The following RPAP3 variants were observed in gnomAD, a reference collection of about 807,000 sequenced individuals.
RPAP3 encodes the protein RNA polymerase II-associated protein 3.
In RPAP3, 58 loss-of-function variants were observed where a neutral mutation model predicts 88.8. The ratio of observed to expected loss-of-function variants is 0.65; its 90% CI spans 0.53 to 0.81. The LOEUF (loss-of-function observed/expected upper bound fraction) is 0.81. Among genes scored for constraint, RPAP3 ranks in the 40% least tolerant of loss-of-function variants. RPAP3 has a pLI of 0.00. For synonymous variants in RPAP3, 255 were observed against 259.9 expected, an observed-to-expected ratio of 0.98 and a Z score of 0.18; for missense variants, 751 against 764.3, an observed-to-expected ratio of 0.98 and a Z score of 0.20.
At chr12:47,694,128 C>A (rs1439846088) in intron 5 of RPAP3, among the ~76,000 whole-genome samples, 7 of 152,202 alleles carry the variant, frequency 4.6e-5, no homozygotes, top group African/African-American at 1.7e-4. Flanking sequence ...CCAAGACATT[C>A]CTGAATAATA....
chr12:47,692,965 T>C (rs1163294175), intron 5 of RPAP3, among the ~76,000 whole-genome samples: 3 of 152,168 alleles, frequency 2.0e-5, no homozygotes, highest in Admixed American at 6.5e-5. Context: ...CTGCAACCTC[T>C]GCCTCCTGGG....
chr12:47,702,670 T>C lies in RPAP3; in HGVS notation c.153+18A>G. The C allele has an allele frequency of 2.0e-6, 3 of 1,523,186 alleles. No individual in the cohort carries two copies. Among genetic ancestry groups the C allele is most frequent in the Non-Finnish European group, 2.7e-6 (3 of 1,130,716 alleles). 94.4% of individuals were successfully genotyped at this position (1,523,186 alleles called of 1,614,324 possible). A position where few individuals can be genotyped will look rare whatever the true frequency, so the allele number is the denominator to read the frequency against. On this transcript the variant is annotated intron_variant, in intron 2 of 16. Transcript: ENST00000005386. Reference sequence around the variant, plus strand: ...AAAATTAGTTTTGGTGGATCTTAATTACGAATTCTTAATTTACCTCTTCAG... The same window carrying C: ...AAAATTAGTTTTGGTGGATCTTAATCACGAATTCTTAATTTACCTCTTCAG...
intron 12 of RPAP3, among the ~76,000 whole-genome samples, chr12:47,672,757 G>A (rs1042707123): frequency 2.6e-5 from 4 of 151,998 alleles, no homozygotes; most frequent in African/African-American, 9.7e-5. Flanking sequence ...TCATTTCCTA[G>A]AGGTGTTTTG....
intron 9 of RPAP3, among the ~76,000 whole-genome samples, chr12:47,682,518 C>T (rs535867223): frequency 3.9e-5 from 6 of 152,076 alleles, no homozygotes; most frequent in African/African-American, 1.2e-4. Context: ...CTTTCTTTAG[C>T]AATAAACGTC....
chr12:47,679,812 A>T, intron 10 of RPAP3, 38 bp from the exon 11 acceptor site: 2 of 1,384,858 alleles, frequency 1.4e-6, no homozygotes, highest in Non-Finnish European at 2.0e-6. Flanking sequence ...AACATAGTTA[A>T]AATGTGGAGT....
intron 10 of RPAP3, among the ~76,000 whole-genome samples, chr12:47,680,479 T>TA (rs1180668581): frequency 6.6e-5 from 10 of 151,394 alleles, no homozygotes; most frequent in Non-Finnish European, 1.0e-4. Context: ...TTAACCACAA[T>TA]AAAAAAAACA....
intron 10 of RPAP3, among the ~76,000 whole-genome samples, chr12:47,680,236 GA>G (rs1277104142): frequency 6.6e-6 from 1 of 152,214 alleles, no homozygotes; most frequent in African/African-American, 2.4e-5. Context: ...ACTTACATAG[GA>G]TATCTAGAAC....
Position 47,675,227 on chromosome 12 carries a change from T to C in RPAP3, c.1287+4266A>G, listed in dbSNP as rs527296972. 2.5e-4 allele frequency among the ~76,000 whole-genome samples: 38 copies of C among 152,282 alleles called. No individual in the cohort carries two copies. In the South Asian group the frequency reaches 5.8e-3, roughly 23 times the overall value. ...GATTGTGTCACCACCCGGCTTGCCT[T>C]ACAAGAGCTTCTGAAGGAAGCACTA... is the stretch of plus-strand genomic sequence containing the variant. On this transcript the variant is annotated intron_variant, in intron 12 of 16. Coordinates refer to ENST00000005386, the MANE Select transcript of RPAP3 (RefSeq NM_024604.3).
intron 13 of RPAP3, among the ~76,000 whole-genome samples, chr12:47,669,846 G>C (rs1051980165): frequency 3.3e-5 from 5 of 151,856 alleles, no homozygotes. Flanking sequence ...TCCTAGAAAT[G>C]AAAATTTTTA....
intron 9 of RPAP3, 86 bp downstream of exon 9, chr12:47,686,694 G>T: frequency 9.7e-7 from 1 of 1,028,874 alleles, no homozygotes; most frequent in South Asian, 2.4e-5. Flanking sequence ...CGCCATAATT[G>T]GCATGTTAGG....
At chr12:47,675,593 T>TCC (rs909360362) in intron 12 of RPAP3, among the ~76,000 whole-genome samples, 11 of 152,134 alleles carry the variant, frequency 7.2e-5, no homozygotes, top group African/African-American at 2.4e-4. Context: ...GGGGTTGCAA[T>TCC]CCCAGTCTCT....
chr12:47,701,724 T>C, intron 2 of RPAP3, 120 bp from the exon 3 acceptor site: 1 of 761,938 alleles, frequency 1.3e-6, no homozygotes, highest in Non-Finnish European at 1.8e-6. Flanking sequence ...TTTTAAAGTG[T>C]TTAAAAAGAC....
chr12:47,690,731 A>G (rs1939412759), intron 5 of RPAP3, 92 bp from the exon 6 acceptor site: 1 of 927,518 alleles, frequency 1.1e-6, no homozygotes, highest in Admixed American at 2.9e-5. Flanking sequence ...CCTTGAAAAG[A>G]GAATTTACTT....
chr12:47,663,980 A>G (rs1265099456), intron 16 of RPAP3, among the ~76,000 whole-genome samples: 3 of 152,250 alleles, frequency 2.0e-5, no homozygotes, highest in Non-Finnish European at 4.4e-5. Flanking sequence ...TTTATTTTAA[A>G]AGAAAACTTT....
intron 16 of RPAP3, 116 bp downstream of exon 16, chr12:47,666,864 A>G (rs1938884244): frequency 3.3e-6 from 1 of 305,570 alleles, no homozygotes; most frequent in Non-Finnish European, 6.0e-6. Flanking sequence ...AAATATAAAT[A>G]TTTAATTAAA....
intron 1 of RPAP3, 91 bp from the exon 2 acceptor site, chr12:47,702,937 T>TG: frequency 8.1e-6 from 8 of 989,962 alleles, no homozygotes; most frequent in Non-Finnish European, 1.2e-5. Context: ...TACCACTTCA[T>TG]AAGTGGCCAA....
chr12:47,688,992 A>C (rs967108067), intron 7 of RPAP3, 133 bp downstream of exon 7: 5 of 546,948 alleles, frequency 9.1e-6, no homozygotes, highest in African/African-American at 2.0e-5. Flanking sequence ...TCATTTAGTA[A>C]AACTCTATAG....
Position 47,679,583 on chromosome 12 carries a change from C to T in RPAP3, c.1197G>A (p.Glu399=). The T allele has an allele frequency of 1.3e-6, 2 of 1,598,842 alleles. No homozygotes were observed. Among genetic ancestry groups the T allele is most frequent in the Non-Finnish European group, 1.7e-6 (2 of 1,170,430 alleles). Reference sequence around the variant, plus strand: ...GAAAGACATCATCCCAGTGTCCTTTCTCAATTAATTCCTTGAAAATAAATT... The same window carrying T: ...GAAAGACATCATCCCAGTGTCCTTTTTCAATTAATTCCTTGAAAATAAATT... The part of the protein sequence containing the change: ...ELSKIKKELI[E]KGHWDDVFLD... The change falls in exon 12 of 17, where the codon GAG becomes GAA. Residue 399 remains glutamate (E), a synonymous_variant. Coordinates refer to ENST00000005386, the MANE Select transcript of RPAP3 (RefSeq NM_024604.3).
intron 6 of RPAP3, among the ~76,000 whole-genome samples, chr12:47,689,746 A>G (rs1939392780): frequency 6.6e-6 from 1 of 152,172 alleles, no homozygotes; most frequent in South Asian, 2.1e-4. Flanking sequence ...TGTATATCAT[A>G]AAACCAAGAA....
Sources: allele counts gnomAD v4.1 joint callset (sites outside exome capture counted in the v4.1 genomes callset), GRCh38; gene constraint gnomAD v4.1.1; transcripts MANE v1.5; gene names NCBI Gene and HGNC (gene_info 2026-07-23, HGNC 2026-07-21).